Variants in CEP43 observed in about 807,000 individuals in gnomAD.
The protein encoded by CEP43 is centrosomal protein 43.
A neutral mutation model predicts 52.6 loss-of-function variants in CEP43; 36 were observed. The ratio of observed to expected loss-of-function variants is 0.68; its 90% CI spans 0.52 to 0.90. The LOEUF (loss-of-function observed/expected upper bound fraction) is 0.90. Ranked by LOEUF, CEP43 falls within the 40% of genes least tolerant of loss-of-function variation. The pLI is 0.00. For synonymous variants in CEP43, 192 were observed against 172.4 expected (o/e 1.11, Z -0.89); for missense variants, 506 against 472.8 (o/e 1.07, Z -0.65).
intron 12 of CEP43, among the ~76,000 whole-genome samples, chr6:167,038,831 G>A (rs1193965874): frequency 6.6e-6 from 1 of 151,966 alleles, no homozygotes; most frequent in Non-Finnish European, 1.5e-5. Context: ...GGTTTTGGGG[G>A]AACAGGTGGT....
chr6:167,006,172 C>CT (rs1219943596), intron 5 of CEP43, among the ~76,000 whole-genome samples: 1 of 152,178 alleles, frequency 6.6e-6, no homozygotes, highest in Non-Finnish European at 1.5e-5. Context: ...ACGGAGGACT[C>CT]TGTGTGTTAC....
At chr6:167,022,671 T>C (rs3752520) in intron 8 of CEP43, 36 bp downstream of exon 8, 522,871 of 1,266,296 alleles carry the variant, frequency 0.41, 113,768 homozygotes, top group Non-Finnish European at 0.45. Flanking sequence ...AGACTAGGGG[T>C]TTAAAAATAA....
chr6:167,015,506 C>A (rs1780074752), intron 7 of CEP43, among the ~76,000 whole-genome samples: 1 of 152,202 alleles, frequency 6.6e-6, no homozygotes, highest in Non-Finnish European at 1.5e-5. Flanking sequence ...CCAGATGGAG[C>A]CATCCGCATG....
intron 7 of CEP43, among the ~76,000 whole-genome samples, chr6:167,020,132 A>G (rs1331952038): frequency 6.6e-6 from 1 of 152,278 alleles, no homozygotes; most frequent in Non-Finnish European, 1.5e-5. Flanking sequence ...TCTATATTTG[A>G]TAATACCAGG....
chr6:167,022,425 C>T lies in CEP43; in HGVS notation c.596C>T (p.Ala199Val). 1 of 1,613,508 alleles carries T rather than the reference C, an allele frequency of 6.2e-7. No homozygotes were observed. Among genetic ancestry groups the T allele is most frequent in the Admixed American group, 1.7e-5 (1 of 60,006 alleles). ...TCTTTCTAGAAGGCCAATGATGAGGCCAATCAGAGTGATACAAGTGTCTCC... is the reference window on the plus strand; with the variant it reads ...TCTTTCTAGAAGGCCAATGATGAGGTCAATCAGAGTGATACAAGTGTCTCC... ...KAGDKKANDE[A>V]NQSDTSVSLS... The change falls in exon 8 of 13, where the codon GCC becomes GTC. Residue 199 changes from alanine to valine, a missense_variant. Physicochemically the swap from Ala to Val is moderately conservative, Grantham distance 64. Coordinates refer to ENST00000366847, the MANE Select transcript of CEP43 (RefSeq NM_007045.4).
rs534031206 is a variant in CEP43, at chr6:167,047,025, G to C, written c.*7047G>C. ...GGAAGCACTTGGCTCTCCAGCATGT[G>C]CTGAATAGGGGGCGCTGCCTGCAAT... On this transcript the variant is annotated 3_prime_UTR_variant, in exon 13 of 13. Coordinates refer to ENST00000366847, the MANE Select transcript of CEP43 (RefSeq NM_007045.4). 6.6e-6 allele frequency: 1 copy of C among 152,504 alleles called. No individual in the cohort carries two copies. Among genetic ancestry groups the C allele is most frequent in the South Asian group, 2.1e-4 (1 of 4,832 alleles). The allele number at this position is 152,504 out of a possible 1,614,324, so 9.4% of individuals were successfully genotyped here. A position where few individuals can be genotyped will look rare whatever the true frequency, so the allele number is the denominator to read the frequency against.
At chr6:167,012,751 T>C (rs901685520) in intron 6 of CEP43, among the ~76,000 whole-genome samples, 1 of 152,192 alleles carries the variant, frequency 6.6e-6, no homozygotes, top group Non-Finnish European at 1.5e-5. Context: ...TTTAAGTCAG[T>C]CAGGAAATGA....
chr6:167,023,754 G>A (rs2128664530), intron 8 of CEP43, among the ~76,000 whole-genome samples: 1 of 152,330 alleles, frequency 6.6e-6, no homozygotes, highest in Admixed American at 6.5e-5. Context: ...TGTGGAGGTG[G>A]CGGTAGGGAG....
chr6:167,015,551 C>T (rs117697008), intron 7 of CEP43, among the ~76,000 whole-genome samples: 2 of 152,310 alleles, frequency 1.3e-5, no homozygotes, highest in East Asian at 1.9e-4. Flanking sequence ...TATGCAAAGC[C>T]ATCATGGGAG....
intron 5 of CEP43, among the ~76,000 whole-genome samples, chr6:167,005,494 G>C (rs1779830785): frequency 6.6e-6 from 1 of 152,232 alleles, no homozygotes; most frequent in Admixed American, 6.5e-5. Context: ...AGAGTAGGAT[G>C]TCAGTTGTGG....
chr6:167,047,277 G>C lies in CEP43; in HGVS notation c.*7299G>C, dbSNP rs540353572. On this transcript the variant is annotated 3_prime_UTR_variant, in exon 13 of 13. Transcript: ENST00000366847. Reference sequence around the variant, plus strand: ...GGAGGGGTCCCCTACTGACAGGGAGGTGCTGTCGGGGCAGCAGGCACGTGC... The same window carrying C: ...GGAGGGGTCCCCTACTGACAGGGAGCTGCTGTCGGGGCAGCAGGCACGTGC... 1 of 152,422 alleles carries C rather than the reference G, an allele frequency of 6.6e-6. No homozygotes were observed. The highest frequency in any genetic ancestry group is 2.4e-5 in the African/African-American group (1 of 41,572). 9.4% of individuals were successfully genotyped at this position (152,422 alleles called of 1,614,324 possible).
Position 167,047,463 on chromosome 6 carries a change from C to T in CEP43, c.*7485C>T, listed in dbSNP as rs1006787031. The T allele has an allele frequency of 6.6e-6, 1 of 152,142 alleles. No homozygotes were observed. Among genetic ancestry groups the T allele is most frequent in the Non-Finnish European group, 1.5e-5 (1 of 68,016 alleles). 9.4% of individuals were successfully genotyped at this position (152,142 alleles called of 1,614,324 possible). On this transcript the variant is annotated 3_prime_UTR_variant, in exon 13 of 13. Coordinates refer to ENST00000366847, the MANE Select transcript of CEP43 (RefSeq NM_007045.4). Reference sequence around the variant, plus strand: ...TAAAGGGGATTAAATACTTCCTTCCCTTACAGGGCTGCCCTGGTCTTAAGT... The same window carrying T: ...TAAAGGGGATTAAATACTTCCTTCCTTTACAGGGCTGCCCTGGTCTTAAGT...
chr6:167,031,851 AT>A (rs1780478146), intron 10 of CEP43, among the ~76,000 whole-genome samples: 1 of 152,170 alleles, frequency 6.6e-6, no homozygotes, highest in Non-Finnish European at 1.5e-5. Flanking sequence ...TTTGTCCTTT[AT>A]AGCCTTAAGT....
chr6:167,024,754 C>T (rs1780316205), intron 8 of CEP43, 28 bp from the exon 9 acceptor site: 4 of 1,507,522 alleles, frequency 2.7e-6, no homozygotes, highest in Middle Eastern at 3.4e-4. Context: ...CATAAGAGCA[C>T]CGATTAACTG....
intron 11 of CEP43, among the ~76,000 whole-genome samples, chr6:167,033,635 A>G (rs977986409): frequency 2.0e-5 from 3 of 152,132 alleles, no homozygotes; most frequent in Admixed American, 6.5e-5. Flanking sequence ...CTTTCTTGCT[A>G]TTGTGACCAA....
At chr6:167,037,562 G>A (rs1780608538) in intron 12 of CEP43, among the ~76,000 whole-genome samples, 1 of 152,208 alleles carries the variant, frequency 6.6e-6, no homozygotes, top group Admixed American at 6.5e-5. Context: ...TTCTTTGTGA[G>A]ATAGTTTTAC....
At position 167,040,752 on chromosome 6, in the gene CEP43, A is replaced by G. The variant is rs930818280; in HGVS notation, c.*774A>G. ...TCTGTAAAGATTCCTTGAAACTTAA[A>G]TGCATCTGAAACCATTAAGCAGTGC... On this transcript the variant is annotated 3_prime_UTR_variant, in exon 13 of 13. Coordinates refer to ENST00000366847, the MANE Select transcript of CEP43 (RefSeq NM_007045.4). The G allele has an allele frequency of 3.5e-5, 15 of 430,186 alleles. No homozygotes were observed. The highest frequency in any genetic ancestry group is 3.9e-5 in the Non-Finnish European group (13 of 331,726). 26.6% of individuals were successfully genotyped at this position (430,186 alleles called of 1,614,324 possible).
chr6:167,020,441 C>T (rs930380871), intron 7 of CEP43, among the ~76,000 whole-genome samples: 6 of 152,146 alleles, frequency 3.9e-5, no homozygotes, highest in African/African-American at 9.7e-5. Flanking sequence ...CCTTCAGGAG[C>T]GTCTTGTTCG....
intron 7 of CEP43, among the ~76,000 whole-genome samples, chr6:167,017,123 G>T (rs1780119870): frequency 6.6e-6 from 1 of 151,710 alleles, no homozygotes; most frequent in Non-Finnish European, 1.5e-5. Flanking sequence ...AGCCTCCTGA[G>T]TAGCTGGGAT....
Sources: allele counts gnomAD v4.1 joint callset (sites outside exome capture counted in the v4.1 genomes callset), GRCh38; gene constraint gnomAD v4.1.1; transcripts MANE v1.5; gene names NCBI Gene and HGNC (gene_info 2026-07-23, HGNC 2026-07-21).